CTSH: variants seen among roughly 807,000 people sequenced by gnomAD.
CTSH encodes the protein cathepsin H, also known as pro-cathepsin H.
A neutral mutation model predicts 56.3 loss-of-function variants in CTSH; 52 were observed. That is an observed-to-expected ratio of 0.92 (90% CI 0.74 to 1.16). CTSH has a LOEUF of 1.16. Ranked by LOEUF, CTSH falls within the 50% of genes most tolerant of loss-of-function variation. The probability of loss-of-function intolerance (pLI) is 0.00; values close to 1 mark genes in which losing one functional copy is unlikely to be tolerated. For synonymous variants in CTSH, 174 were observed against 155.7 expected (o/e 1.12, Z -0.88); for missense variants, 406 against 424.5 (o/e 0.96, Z 0.38).
At chr15:78,939,988 T>C (rs11856301) in intron 1 of CTSH, among the ~76,000 whole-genome samples, 76,916 of 151,852 alleles carry the variant, frequency 0.51, 22,680 homozygotes, top group Non-Finnish European at 0.68. Flanking sequence ...TCTATATGGT[T>C]TCTGCCACAA....
At chr15:78,924,257 A>G (rs1369823436) in intron 10 of CTSH, among the ~76,000 whole-genome samples, 1 of 152,044 alleles carries the variant, frequency 6.6e-6, no homozygotes. Context: ...AAAAAGAGGG[A>G]GGACCAGATC....
rs537926496 is a variant in CTSH at position 78,935,795 on chromosome 15, T to C, written c.230-45A>G. 7.7e-6 allele frequency: 11 copies of C among 1,426,738 alleles called. No homozygotes were observed. In the South Asian group the frequency reaches 1.2e-4, roughly 15 times the overall value. The allele number at this position is 1,426,738 out of a possible 1,614,324, so 88.4% of individuals were successfully genotyped here. A position where few individuals can be genotyped will look rare whatever the true frequency, so the allele number is the denominator to read the frequency against. ...AACCAAAACAGAAATGGTTAGTGAA[T>C]CACTAATGAAGAAACAAGAAAAAGT... On this transcript the variant is annotated intron_variant, in intron 3 of 11. Coordinates refer to ENST00000220166, the MANE Select transcript of CTSH (RefSeq NM_004390.5).
chr15:78,937,540 G>A, intron 2 of CTSH, 117 bp from the exon 3 acceptor site: 1 of 1,348,628 alleles, frequency 7.4e-7, no homozygotes. Flanking sequence ...TGATTCTCAG[G>A]CCAAATCTGT....
At chr15:78,928,543 C>A (rs113816500) in intron 8 of CTSH, among the ~76,000 whole-genome samples, 1 of 122,806 alleles carries the variant, frequency 8.1e-6, no homozygotes, top group Non-Finnish European at 1.6e-5. Flanking sequence ...CCAGCCTGGG[C>A]AACAGAGCAA....
chr15:78,938,368 C>CAAA (rs34359724), intron 2 of CTSH, among the ~76,000 whole-genome samples: 1 of 144,756 alleles, frequency 6.9e-6, no homozygotes, highest in Non-Finnish European at 1.5e-5. Context: ...GACTCTGTCT[C>CAAA]AAAAAAAAAA....
chr15:78,928,601 A>C (rs970782513), intron 8 of CTSH, among the ~76,000 whole-genome samples: 1 of 149,282 alleles, frequency 6.7e-6, no homozygotes, highest in Non-Finnish European at 1.5e-5. Context: ...AAGGGAGAGT[A>C]AAAGAGACAG....
chr15:78,925,669 G>T (rs1467027633), intron 9 of CTSH: 2 of 467,266 alleles, frequency 4.3e-6, no homozygotes, highest in East Asian at 8.3e-5. Context: ...CTCTGAGATA[G>T]GGACCACGGG....
intron 8 of CTSH, 56 bp from the exon 9 acceptor site, chr15:78,927,837 C>G (rs1259268290): frequency 7.0e-7 from 1 of 1,424,378 alleles, no homozygotes; most frequent in African/African-American, 1.4e-5. Context: ...GTCTCAGCCT[C>G]CCCACGCAGT....
In CTSH at chr15:78,922,034, A is replaced by C. The variant is rs2054779738; in HGVS notation, c.*96T>G. 1 of 1,149,468 alleles carries C rather than the reference A, an allele frequency of 8.7e-7. No individual in the cohort carries two copies. Among genetic ancestry groups the C allele is most frequent in the Non-Finnish European group, 1.3e-6 (1 of 792,536 alleles). 71.2% of individuals were successfully genotyped at this position (1,149,468 alleles called of 1,614,324 possible). On this transcript the variant is annotated 3_prime_UTR_variant, in exon 12 of 12. Transcript: ENST00000220166. ...GGCAGAATGTTGGGGGTCCCAGTGG[A>C]TCTCCCCACAACTTCCTCCAGGGCA...
chr15:78,932,690 G>A (rs575956398), intron 5 of CTSH, among the ~76,000 whole-genome samples: 1 of 151,890 alleles, frequency 6.6e-6, no homozygotes, highest in Non-Finnish European at 1.5e-5. Context: ...TCTGAGCCTC[G>A]CAAGTCCTGA....
chr15:78,930,537 AAAATAAATAAATAAAT>A (rs145707544), intron 7 of CTSH, among the ~76,000 whole-genome samples: 2 of 147,484 alleles, frequency 1.4e-5, no homozygotes, highest in African/African-American at 5.1e-5. Context: ...AAAAAAAGAA[AAAATAAATAAATAAAT>A]AAATAAATAA....
At position 78,921,965 on chromosome 15, in the gene CTSH, A is replaced by G. The variant is rs2054778247; in HGVS notation, c.*165T>C. ...TAGACACGGGTGAGCTCATGGTGGA[A>G]CTCCTCCTTGTCTGTAGGTTTCCAG... On this transcript the variant is annotated 3_prime_UTR_variant, in exon 12 of 12. Coordinates refer to ENST00000220166, the MANE Select transcript of CTSH (RefSeq NM_004390.5). 1.6e-6 allele frequency: 1 copy of G among 624,704 alleles called. No individual in the cohort carries two copies. Among genetic ancestry groups the G allele is most frequent in the Non-Finnish European group, 2.8e-6 (1 of 355,866 alleles). 38.7% of individuals were successfully genotyped at this position (624,704 alleles called of 1,614,324 possible). A position where few individuals can be genotyped will look rare whatever the true frequency, so the allele number is the denominator to read the frequency against.
At chr15:78,944,072 C>T (rs759031632) in intron 1 of CTSH, among the ~76,000 whole-genome samples, 12 of 152,224 alleles carry the variant, frequency 7.9e-5, no homozygotes, top group Non-Finnish European at 1.3e-4. Context: ...TCAGGGCACC[C>T]CCCCTCCCTA....
At chr15:78,930,453 G>C (rs1367993801) in intron 7 of CTSH, among the ~76,000 whole-genome samples, 1 of 152,110 alleles carries the variant, frequency 6.6e-6, no homozygotes, top group Admixed American at 6.5e-5. Flanking sequence ...GGTGAACCCG[G>C]GAGGCGGAGC....
At chr15:78,925,537 A>C in intron 9 of CTSH, 97 bp from the exon 10 acceptor site, 2 of 776,152 alleles carry the variant, frequency 2.6e-6, no homozygotes, top group Middle Eastern at 2.4e-4. Flanking sequence ...CTAGAGGCCC[A>C]GAGCAGCATG....
intron 1 of CTSH, 42 bp downstream of exon 1, chr15:78,944,849 G>A: frequency 6.5e-7 from 1 of 1,535,980 alleles, no homozygotes; most frequent in Non-Finnish European, 8.8e-7. Context: ...GTCCACTCTA[G>A]GGCCTGCTAG....
chr15:78,929,186 G>A (rs1429345235), intron 8 of CTSH, among the ~76,000 whole-genome samples: 7 of 152,248 alleles, frequency 4.6e-5, no homozygotes, highest in East Asian at 1.9e-4. Context: ...AGATGGTGCC[G>A]CAGAGCGGGT....
intron 7 of CTSH, 85 bp downstream of exon 7, chr15:78,931,366 T>G: frequency 6.4e-7 from 1 of 1,566,070 alleles, no homozygotes; most frequent in Non-Finnish European, 8.8e-7. Flanking sequence ...GTTATATCTG[T>G]GGCAGACCCA....
At position 78,931,506 on chromosome 15, in the gene CTSH, C is replaced by T. The variant is rs754050924; in HGVS notation, c.493G>A (p.Ala165Thr). Residue 165 changes from alanine to threonine, a missense_variant and splice_region_variant, in exon 7 of 12, where the codon GCG (alanine) becomes ACG (threonine). Ala to Thr is a moderately conservative substitution (Grantham distance 58). Transcript: ENST00000220166. ...AIATGKMLSL[A>T]EQQLVDCAQD... ...GCGCAGTCCACCAGCTGCTGTTCCG[C>T]CTGGAAGAAGGACACAACCCAGTGA... 2 of 1,614,208 alleles carry T rather than the reference C, an allele frequency of 1.2e-6. No individual in the cohort carries two copies. The highest frequency in any genetic ancestry group is 1.7e-6 in the Non-Finnish European group (2 of 1,180,034).
Sources: allele counts gnomAD v4.1 joint callset (sites outside exome capture counted in the v4.1 genomes callset), GRCh38; gene constraint gnomAD v4.1.1; transcripts MANE v1.5; gene names NCBI Gene and HGNC (gene_info 2026-07-23, HGNC 2026-07-21).